Variants in ELP4 observed in about 807,000 individuals in gnomAD.
The protein encoded by ELP4 is elongator acetyltransferase complex subunit 4.
A neutral mutation model predicts 48.9 loss-of-function variants in ELP4; 51 were observed. That is an observed-to-expected ratio of 1.04 (90% CI 0.83 to 1.32). ELP4 has a LOEUF of 1.32. Among genes scored for constraint, ELP4 ranks in the 40% most tolerant of loss-of-function variants. The probability of loss-of-function intolerance (pLI) is 0.00; values close to 1 mark genes in which losing one functional copy is unlikely to be tolerated. For synonymous variants in ELP4, 210 were observed against 189.2 expected (o/e 1.11, Z -0.90); for missense variants, 519 against 514.6 (o/e 1.01, Z -0.08).
At chr11:31,714,157 C>G (rs1349625502) in intron 9 of ELP4, among the ~76,000 whole-genome samples, 1 of 152,096 alleles carries the variant, frequency 6.6e-6, no homozygotes, top group African/African-American at 2.4e-5. Context: ...GTAGGGATTT[C>G]AGAGCCAGGC....
chr11:31,728,274 ATTATAT>A (rs1449535616), intron 9 of ELP4, among the ~76,000 whole-genome samples: 2 of 152,150 alleles, frequency 1.3e-5, no homozygotes, highest in Non-Finnish European at 2.9e-5. Context: ...AGTATTTTAC[ATTATAT>A]TTATTATAAG....
chr11:31,568,807 G>T (rs1223522876), intron 3 of ELP4, among the ~76,000 whole-genome samples: 1 of 152,138 alleles, frequency 6.6e-6, no homozygotes, highest in East Asian at 1.9e-4. Context: ...AATCTAGGCT[G>T]GGTTCAGTGG....
chr11:31,737,138 TA>T (rs1321924858), intron 9 of ELP4, among the ~76,000 whole-genome samples: 12 of 152,160 alleles, frequency 7.9e-5, no homozygotes, highest in South Asian at 4.2e-4. Context: ...TATGCAGCCA[TA>T]AAAAAATGAT....
Position 31,650,206 on chromosome 11 carries a change from G to T in ELP4, c.1128G>T (p.Lys376Asn), listed in dbSNP as rs201757822. 16 of 1,312,630 alleles carry T rather than the reference G, an allele frequency of 1.2e-5. No homozygotes were observed. The highest frequency in any genetic ancestry group is 8.8e-5 in the Admixed American group (5 of 56,732). 81.3% of individuals were successfully genotyped at this position (1,312,630 alleles called of 1,614,324 possible). A position where few individuals can be genotyped will look rare whatever the true frequency, so the allele number is the denominator to read the frequency against. The change falls in exon 9 of 10, where the codon AAG (lysine) becomes AAT (asparagine). Residue 376 changes from lysine (K) to asparagine (N), a missense_variant. Physicochemically the swap from Lys to Asn is moderately conservative, Grantham distance 94. Coordinates refer to ENST00000640961, the MANE Select transcript of ELP4 (RefSeq NM_019040.5). ...VKDLAFKLKR[K>N]LFTIERLHLP... ...ACTTAGCTTTTAAATTAAAAAGGAA[G>T]CTATTCACCATTGAGGTAAGAGAAT...
At chr11:31,761,574 G>A (rs1280489086) in intron 9 of ELP4, among the ~76,000 whole-genome samples, 1 of 152,146 alleles carries the variant, frequency 6.6e-6, no homozygotes, top group Non-Finnish European at 1.5e-5. Flanking sequence ...ATTTAAAAAT[G>A]TACCTTCTAA....
At chr11:31,774,729 C>T (rs976569185) in intron 9 of ELP4, among the ~76,000 whole-genome samples, 1 of 152,216 alleles carries the variant, frequency 6.6e-6, no homozygotes, top group African/African-American at 2.4e-5. Flanking sequence ...TGCCTATCTT[C>T]AAGCCACTAA....
chr11:31,614,180 A>G (rs1958034743), intron 5 of ELP4, among the ~76,000 whole-genome samples: 1 of 152,228 alleles, frequency 6.6e-6, no homozygotes, highest in Non-Finnish European at 1.5e-5. Flanking sequence ...CGCAGAAAAT[A>G]TGAATGAATG....
intron 2 of ELP4, among the ~76,000 whole-genome samples, chr11:31,520,671 A>T (rs904221313): frequency 6.6e-6 from 1 of 152,092 alleles, no homozygotes; most frequent in African/African-American, 2.4e-5. Flanking sequence ...TATTTAATTC[A>T]TGTATCTGTA....
intron 2 of ELP4, among the ~76,000 whole-genome samples, chr11:31,537,291 C>A (rs1290098319): frequency 1.3e-5 from 2 of 152,274 alleles, no homozygotes; most frequent in Non-Finnish European, 2.9e-5. Context: ...AAAATTATTT[C>A]TCCACCTTTG....
At chr11:31,742,863 T>C (rs1947488220) in intron 9 of ELP4, among the ~76,000 whole-genome samples, 1 of 152,098 alleles carries the variant, frequency 6.6e-6, no homozygotes, top group East Asian at 1.9e-4. Flanking sequence ...AATAACCAGC[T>C]AACATCATAA....
intron 3 of ELP4, among the ~76,000 whole-genome samples, chr11:31,542,317 C>T (rs1956605345): frequency 6.6e-6 from 1 of 152,114 alleles, no homozygotes; most frequent in Non-Finnish European, 1.5e-5. Flanking sequence ...ATTTATAAAT[C>T]AGAGTACCTG....
chr11:31,664,895 A>G (rs1945638804), intron 9 of ELP4, among the ~76,000 whole-genome samples: 1 of 152,178 alleles, frequency 6.6e-6, no homozygotes, highest in African/African-American at 2.4e-5. Flanking sequence ...TTAAATATTA[A>G]TCAATGCGCA....
chr11:31,533,368 C>CTTTTTGTTTTTTTT (rs1956433934), intron 2 of ELP4, among the ~76,000 whole-genome samples: 1 of 50,460 alleles, frequency 2.0e-5, no homozygotes, highest in Non-Finnish European at 3.3e-5. Flanking sequence ...CCATCTCATT[C>CTTTTTGTTTTTTTT]TTTTTTTTTT....
intron 2 of ELP4, among the ~76,000 whole-genome samples, chr11:31,531,920 G>C (rs961538064): frequency 5.3e-5 from 8 of 152,124 alleles, no homozygotes; most frequent in African/African-American, 1.9e-4. Context: ...AAAGATGGAA[G>C]GAAGTGGATG....
intron 5 of ELP4, among the ~76,000 whole-genome samples, chr11:31,620,517 A>AC (rs1446852180): frequency 6.6e-6 from 1 of 151,994 alleles, no homozygotes; most frequent in African/African-American, 2.4e-5. Flanking sequence ...TGGTCTAAAA[A>AC]ACAACCATGG....
chr11:31,761,337 CAA>C (rs568455581), intron 9 of ELP4, among the ~76,000 whole-genome samples: 27 of 108,298 alleles, frequency 2.5e-4, no homozygotes, highest in Non-Finnish European at 2.5e-4. Context: ...GGCCCTGTCT[CAA>C]AAAAAAAAAA....
chr11:31,657,469 G>A (rs1365871277), intron 9 of ELP4, among the ~76,000 whole-genome samples: 12 of 152,032 alleles, frequency 7.9e-5, no homozygotes, highest in Non-Finnish European at 1.3e-4. Flanking sequence ...TAAGGACATA[G>A]TATGTCTTAT....
chr11:31,590,679 G>A (rs376620288), intron 3 of ELP4, among the ~76,000 whole-genome samples: 2 of 152,206 alleles, frequency 1.3e-5, no homozygotes, highest in African/African-American at 4.8e-5. Flanking sequence ...TTATGCTTCT[G>A]AGGATGCCTC....
chr11:31,723,324 C>G (rs1212764841), intron 9 of ELP4, among the ~76,000 whole-genome samples: 1 of 152,064 alleles, frequency 6.6e-6, no homozygotes, highest in African/African-American at 2.4e-5. Context: ...TGCATAGTAA[C>G]CAACACCACC....
Sources: allele counts gnomAD v4.1 joint callset (sites outside exome capture counted in the v4.1 genomes callset), GRCh38; gene constraint gnomAD v4.1.1; transcripts MANE v1.5; gene names NCBI Gene and HGNC (gene_info 2026-07-23, HGNC 2026-07-21).